EPHB1: variants seen among roughly 807,000 people sequenced by gnomAD.
EPHB1 encodes the protein ephrin type-B receptor 1.
Under a neutral mutation model 94.4 loss-of-function variants are expected in EPHB1, and 30 were observed. The observed-to-expected ratio is 0.32, with a 90% CI of 0.24 to 0.43. The LOEUF is 0.43. Ranked by LOEUF, EPHB1 falls within the 20% of genes least tolerant of loss-of-function variation. EPHB1 has a pLI of 1.00. For synonymous variants in EPHB1, 522 were observed against 489.1 expected (o/e 1.07, Z -0.89); for missense variants, 1,055 against 1,308.3 (o/e 0.81, Z 2.99).
chr3:134,932,465 G>T (rs1281509287), intron 2 of EPHB1, among the ~76,000 whole-genome samples: 1 of 152,162 alleles, frequency 6.6e-6, no homozygotes, highest in Non-Finnish European at 1.5e-5. Flanking sequence ...GATTTATCTG[G>T]TCTGATGGGT....
intron 1 of EPHB1, among the ~76,000 whole-genome samples, chr3:134,898,522 C>T (rs1440552368): frequency 3.9e-5 from 6 of 152,154 alleles, no homozygotes; most frequent in African/African-American, 1.4e-4. Flanking sequence ...CCCCCATGCT[C>T]CCAACTCCCT....
At chr3:134,875,623 A>G (rs1333041066) in intron 1 of EPHB1, among the ~76,000 whole-genome samples, 1 of 152,194 alleles carries the variant, frequency 6.6e-6, no homozygotes, top group African/African-American at 2.4e-5. Context: ...CATCGCTAAA[A>G]TGTGGATAAT....
intron 1 of EPHB1, among the ~76,000 whole-genome samples, chr3:134,832,638 A>G (rs2036600407): frequency 6.6e-6 from 1 of 152,242 alleles, no homozygotes; most frequent in Non-Finnish European, 1.5e-5. Context: ...CATCATTGTC[A>G]ATGGAAAACA....
intron 4 of EPHB1, among the ~76,000 whole-genome samples, chr3:135,131,617 A>G (rs1559844239): frequency 6.6e-6 from 1 of 152,234 alleles, no homozygotes; most frequent in Non-Finnish European, 1.5e-5. Context: ...TTTGGGCAGC[A>G]GATTCTCCAA....
intron 3 of EPHB1, among the ~76,000 whole-genome samples, chr3:134,982,204 AACAG>A (rs1472446069): frequency 9.2e-5 from 14 of 152,180 alleles, no homozygotes; most frequent in Non-Finnish European, 1.9e-4. Context: ...GGAAACAACA[AACAG>A]ACAAAGATTA....
At chr3:135,240,126 T>G (rs1446330924) in intron 12 of EPHB1, among the ~76,000 whole-genome samples, 2 of 152,168 alleles carry the variant, frequency 1.3e-5, no homozygotes, top group Admixed American at 1.3e-4. Flanking sequence ...CAGAACACCT[T>G]GTACCCACTC....
intron 3 of EPHB1, among the ~76,000 whole-genome samples, chr3:134,971,920 T>A (rs917372584): frequency 2.6e-5 from 4 of 152,196 alleles, no homozygotes; most frequent in Non-Finnish European, 4.4e-5. Context: ...GAGCTGCTGA[T>A]TTTTAGTCAT....
chr3:134,854,852 T>C (rs1401489165), intron 1 of EPHB1, among the ~76,000 whole-genome samples: 1 of 152,208 alleles, frequency 6.6e-6, no homozygotes, highest in Non-Finnish European at 1.5e-5. Context: ...GTTGCCTTTT[T>C]TCATATTGTA....
chr3:134,980,183 C>G (rs1168116230), intron 3 of EPHB1, among the ~76,000 whole-genome samples: 1 of 152,064 alleles, frequency 6.6e-6, no homozygotes, highest in African/African-American at 2.4e-5. Context: ...CTGAGATGAC[C>G]AGAAGGCAGA....
intron 10 of EPHB1, among the ~76,000 whole-genome samples, chr3:135,183,964 A>T (rs2107706726): frequency 1.3e-5 from 2 of 152,296 alleles, no homozygotes; most frequent in African/African-American, 4.8e-5. Flanking sequence ...GGACTGGAAG[A>T]GGGGGATGGG....
chr3:135,130,745 C>G (rs572552144), intron 4 of EPHB1, among the ~76,000 whole-genome samples: 1 of 152,146 alleles, frequency 6.6e-6, no homozygotes, highest in Non-Finnish European at 1.5e-5. Context: ...TGAGTGATAG[C>G]CTCAGGATGT....
chr3:135,078,010 G>T (rs571922383), intron 3 of EPHB1, among the ~76,000 whole-genome samples: 2 of 152,292 alleles, frequency 1.3e-5, no homozygotes, highest in African/African-American at 4.8e-5. Flanking sequence ...TTTGAAGTAG[G>T]TGCTATTATT....
chr3:135,199,687 T>C (rs1474349514), intron 11 of EPHB1, among the ~76,000 whole-genome samples: 1 of 152,202 alleles, frequency 6.6e-6, no homozygotes, highest in Non-Finnish European at 1.5e-5. Context: ...ATTCCTTCAA[T>C]TGATCAAGGA....
At chr3:135,042,046 A>G (rs1227511033) in intron 3 of EPHB1, among the ~76,000 whole-genome samples, 1 of 152,226 alleles carries the variant, frequency 6.6e-6, no homozygotes, top group Non-Finnish European at 1.5e-5. Flanking sequence ...CTCCCACCTC[A>G]GCCACCTGAG....
chr3:135,025,337 A>C (rs34850620), intron 3 of EPHB1, among the ~76,000 whole-genome samples: 17,986 of 98,984 alleles, frequency 0.18, 2,359 homozygotes, highest in East Asian at 0.64. Context: ...CATTAGGTAT[A>C]TCTCCCAATG....
intron 3 of EPHB1, among the ~76,000 whole-genome samples, chr3:135,041,997 T>G (rs1161267051): frequency 1.3e-5 from 2 of 152,218 alleles, no homozygotes; most frequent in Admixed American, 1.3e-4. Flanking sequence ...TACAGTGGCA[T>G]GACCATGGCT....
intron 3 of EPHB1, among the ~76,000 whole-genome samples, chr3:135,009,651 A>G (rs1935552407): frequency 6.6e-6 from 1 of 152,232 alleles, no homozygotes; most frequent in Non-Finnish European, 1.5e-5. Flanking sequence ...AGGCATTGCT[A>G]AGATTTTCTA....
intron 3 of EPHB1, among the ~76,000 whole-genome samples, chr3:135,104,663 T>C (rs1407236508): frequency 3.3e-5 from 5 of 152,230 alleles, no homozygotes; most frequent in Non-Finnish European, 7.3e-5. Flanking sequence ...AGATGAACTT[T>C]TAAAATCAGC....
At chr3:134,866,851 G>A (rs556737979) in intron 1 of EPHB1, among the ~76,000 whole-genome samples, 1 of 152,270 alleles carries the variant, frequency 6.6e-6, no homozygotes, top group African/African-American at 2.4e-5. Context: ...CCTCACCCTG[G>A]GAGCAGAACT....
Sources: gnomAD v4.1 joint callset for allele counts (sites outside exome capture counted in the v4.1 genomes callset) on GRCh38, gnomAD v4.1.1 for gene constraint, MANE v1.5 for transcripts, NCBI Gene and HGNC (gene_info 2026-07-23, HGNC 2026-07-21) for gene names.